Variants in MYBL1 observed in about 807,000 individuals in gnomAD.
MYBL1 encodes the protein myb-related protein A.
MYBL1 carries 17 observed loss-of-function variants against 96.3 expected under a neutral mutation model. The observed-to-expected ratio is 0.18, with a 90% CI of 0.12 to 0.26. The LOEUF (loss-of-function observed/expected upper bound fraction) is 0.26. Among genes scored for constraint, MYBL1 ranks in the 10% least tolerant of loss-of-function variants. MYBL1 has a pLI of 1.00. For synonymous variants in MYBL1, 282 were observed against 292.7 expected, an observed-to-expected ratio of 0.96 and a Z score of 0.37; for missense variants, 701 against 882.9, an observed-to-expected ratio of 0.79 and a Z score of 2.61.
chr8:66,586,737 C>T (rs1245169440), intron 8 of MYBL1, among the ~76,000 whole-genome samples: 3 of 152,158 alleles, frequency 2.0e-5, no homozygotes, highest in African/African-American at 7.2e-5. Context: ...GCACTATTCA[C>T]AGATATGGAA....
At chr8:66,576,475 AT>A in intron 9 of MYBL1, 100 bp from the exon 10 acceptor site, 1 of 1,345,280 alleles carries the variant, frequency 7.4e-7, no homozygotes, top group Non-Finnish European at 1.0e-6. Context: ...TTAACAACTC[AT>A]TTTATCAGTA....
intron 1 of MYBL1, among the ~76,000 whole-genome samples, chr8:66,608,967 A>G (rs955894625): frequency 1.3e-5 from 2 of 152,154 alleles, no homozygotes; most frequent in Non-Finnish European, 2.9e-5. Flanking sequence ...TATGTGATAA[A>G]TGTCTAATAC....
In MYBL1 at chr8:66,612,807, G is replaced by C. The variant is rs1810586159; in HGVS notation, c.20+12C>G. 1 of 1,368,496 alleles carries C rather than the reference G, an allele frequency of 7.3e-7. No individual in the cohort carries two copies. The highest frequency in any genetic ancestry group is 9.5e-7 in the Non-Finnish European group (1 of 1,052,224). 84.8% of individuals were successfully genotyped at this position (1,368,496 alleles called of 1,614,324 possible). A position where few individuals can be genotyped will look rare whatever the true frequency, so the allele number is the denominator to read the frequency against. On this transcript the variant is annotated intron_variant, in intron 1 of 15. Coordinates refer to ENST00000522677, the MANE Select transcript of MYBL1 (RefSeq NM_001080416.4). ...GGCGCCGACAGGCCTGGGCGAAAGGGGTGCCACCCACCTGCGCGACCTCTT... is the reference window on the plus strand; with the variant it reads ...GGCGCCGACAGGCCTGGGCGAAAGGCGTGCCACCCACCTGCGCGACCTCTT...
chr8:66,583,848 G>A (rs186540632), intron 8 of MYBL1, among the ~76,000 whole-genome samples: 212 of 152,196 alleles, frequency 1.4e-3, no homozygotes, highest in African/African-American at 4.7e-3. Flanking sequence ...TAAAGCCCAG[G>A]ACCCAATGGC....
chr8:66,567,809 G>A (rs927614523), intron 12 of MYBL1, among the ~76,000 whole-genome samples: 1 of 152,138 alleles, frequency 6.6e-6, no homozygotes, highest in Non-Finnish European at 1.5e-5. Context: ...GCTCATGCCT[G>A]TAATCCCACT....
chr8:66,580,298 A>G lies in MYBL1; in HGVS notation c.936T>C (p.Asn312=). ...ACTCACTAGTGTGCTCGTCAAGGCTATTTAGAGTATTAGACATGTTATCAT... is the reference window on the plus strand; with the variant it reads ...ACTCACTAGTGTGCTCGTCAAGGCTGTTTAGAGTATTAGACATGTTATCAT... ...LMDDNMSNTL[N]SLDEHTSEFY... The change falls in exon 9 of 16, where the codon AAT becomes AAC. Residue 312 remains asparagine (N), a synonymous_variant. Transcript: ENST00000522677. 2 of 1,613,860 alleles carry G rather than the reference A, an allele frequency of 1.2e-6. No homozygotes were observed. The highest frequency in any genetic ancestry group is 1.7e-6 in the Non-Finnish European group (2 of 1,179,814).
chr8:66,565,559 G>C (rs1808471283), intron 15 of MYBL1: 1 of 152,092 alleles, frequency 6.6e-6, no homozygotes, highest in African/African-American at 2.4e-5. Context: ...AAATTCTCTG[G>C]GGTAAACTCT....
At chr8:66,577,099 T>G (rs1349927685) in intron 9 of MYBL1, among the ~76,000 whole-genome samples, 1 of 151,900 alleles carries the variant, frequency 6.6e-6, no homozygotes, top group Non-Finnish European at 1.5e-5. Context: ...GAGCTATCTA[T>G]GACAAACCCA....
At chr8:66,570,416 C>A (rs1453724834) in intron 12 of MYBL1, among the ~76,000 whole-genome samples, 1 of 151,528 alleles carries the variant, frequency 6.6e-6, no homozygotes, top group Non-Finnish European at 1.5e-5. Flanking sequence ...CTCAAACAAA[C>A]CTCCTAGGAC....
At chr8:66,606,935 C>T (rs1217668244) in intron 1 of MYBL1, among the ~76,000 whole-genome samples, 6 of 152,058 alleles carry the variant, frequency 3.9e-5, no homozygotes, top group African/African-American at 1.2e-4. Context: ...GAATTACAGG[C>T]GTCTGCCATC....
At chr8:66,571,736 C>G (rs1451646172) in intron 12 of MYBL1, among the ~76,000 whole-genome samples, 1 of 151,724 alleles carries the variant, frequency 6.6e-6, no homozygotes, top group Non-Finnish European at 1.5e-5. Flanking sequence ...CAAAAATTAG[C>G]TGGGCGTGGT....
chr8:66,599,214 T>C, intron 3 of MYBL1, 72 bp from the exon 4 acceptor site: 1 of 956,916 alleles, frequency 1.0e-6, no homozygotes, highest in Non-Finnish European at 1.5e-6. Flanking sequence ...AATTTATGTC[T>C]CACATCCTTA....
rs778038333 is a variant in MYBL1, at chr8:66,592,497, T to G, written c.810A>C (p.Glu270Asp). The G allele has an allele frequency of 1.2e-6, 2 of 1,602,192 alleles. No homozygotes were observed. The highest frequency in any genetic ancestry group is 2.7e-5 in the African/African-American group (2 of 74,650). Residue 270 changes from glutamate to aspartate, a missense_variant, in exon 8 of 16, where the codon GAA becomes GAC. This residue lies in a region of MYBL1 where 396 missense variants were observed against 407.4 expected (regional missense o/e 0.97). Coordinates refer to ENST00000522677, the MANE Select transcript of MYBL1 (RefSeq NM_001080416.4). ...CAGCTGACATAAGAAGCATCTCAAG[T>G]TCCTTTATTTTCTTTTCCTTATCAG... ...EDPDKEKKIK[E>D]LEMLLMSAEN...
At chr8:66,593,045 G>A in intron 7 of MYBL1, 75 bp downstream of exon 7, 5 of 894,482 alleles carry the variant, frequency 5.6e-6, no homozygotes, top group Non-Finnish European at 3.5e-6. Context: ...AATAGATGAG[G>A]AAATAGATAC....
At chr8:66,582,284 C>T (rs1809242942) in intron 8 of MYBL1, among the ~76,000 whole-genome samples, 1 of 151,962 alleles carries the variant, frequency 6.6e-6, no homozygotes, top group South Asian at 2.1e-4. Context: ...TATATGCTGC[C>T]TACAAAAACT....
chr8:66,597,650 C>A (rs542010532), intron 4 of MYBL1, 100 bp from the exon 5 acceptor site: 5 of 718,138 alleles, frequency 7.0e-6, no homozygotes, highest in East Asian at 2.8e-5. Flanking sequence ...TAAATCCAAG[C>A]CACAACTACA....
In MYBL1 at chr8:66,564,048, G is replaced by T. The variant is rs76043847; in HGVS notation, c.*649C>A. On this transcript the variant is annotated 3_prime_UTR_variant, in exon 16 of 16. Transcript: ENST00000522677. ...TACAATACATTCAACAAAACTCTCA[G>T]CTCCTCTGAGATTAAGAAAATACTA... 0.025 allele frequency: 3,776 copies of T among 152,218 alleles called. 78 individuals are homozygous for T. The highest frequency in any genetic ancestry group is 0.038 in the Non-Finnish European group (2,557 of 67,826). 9.4% of individuals were successfully genotyped at this position (152,218 alleles called of 1,614,324 possible). A position where few individuals can be genotyped will look rare whatever the true frequency, so the allele number is the denominator to read the frequency against.
At chr8:66,609,257 A>T (rs1810434541) in intron 1 of MYBL1, among the ~76,000 whole-genome samples, 2 of 152,074 alleles carry the variant, frequency 1.3e-5, no homozygotes, top group Admixed American at 6.6e-5. Flanking sequence ...CAATTATATC[A>T]CTTAAACCAG....
chr8:66,582,295 C>T (rs1809243384), intron 8 of MYBL1, among the ~76,000 whole-genome samples: 1 of 151,996 alleles, frequency 6.6e-6, no homozygotes, highest in Admixed American at 6.6e-5. Context: ...TACAAAAACT[C>T]ATGTCACCTG....
Sources: allele counts gnomAD v4.1 joint callset (sites outside exome capture counted in the v4.1 genomes callset), GRCh38; gene constraint gnomAD v4.1.1; regional missense constraint gnomAD v4.1.1; transcripts MANE v1.5; gene names NCBI Gene and HGNC (gene_info 2026-07-23, HGNC 2026-07-21).